The following TMEM63C variants were observed in gnomAD, a reference collection of about 807,000 sequenced individuals.
TMEM63C encodes transmembrane protein 63C, also known as osmosensitive cation channel TMEM63C.
A neutral mutation model predicts 99.2 loss-of-function variants in TMEM63C; 32 were observed. That is an observed-to-expected ratio of 0.32 (90% CI 0.24 to 0.43). The LOEUF is 0.43. Among genes scored for constraint, TMEM63C ranks in the 20% least tolerant of loss-of-function variants. The pLI is 1.00. For synonymous variants in TMEM63C, 376 were observed against 397.9 expected, an observed-to-expected ratio of 0.94 and a Z score of 0.66; for missense variants, 826 against 1,053.0, an observed-to-expected ratio of 0.78 and a Z score of 2.98.
At chr14:77,225,309 G>A (rs440869) in intron 5 of TMEM63C, 115 bp from the exon 6 acceptor site, 141,983 of 766,464 alleles carry the variant, frequency 0.19, 13,820 homozygotes, top group South Asian at 0.2. Flanking sequence ...TCCCAGGAAG[G>A]AGGCCCCGGA....
At position 77,216,119 on chromosome 14, in the gene TMEM63C, G is replaced by A. The variant is rs566184819; in HGVS notation, c.-14+2611G>A. Among the ~76,000 whole-genome samples the A allele has an allele frequency of 3.2e-3, 96 of 29,800 alleles. No individual in the cohort carries two copies. In the East Asian group the frequency reaches 0.087, roughly 27 times the overall value. 19.5% of individuals were successfully genotyped at this position (29,800 alleles called of 152,430 possible). A position where few individuals can be genotyped will look rare whatever the true frequency, so the allele number is the denominator to read the frequency against. On this transcript the variant is annotated intron_variant, in intron 2 of 23. Coordinates refer to ENST00000298351, the MANE Select transcript of TMEM63C (RefSeq NM_020431.4). ...AAAGAGAGAGGAAGGAAGGAAGGAAGGAGGGAGGGAGAGAGAGAGAGAGAG... is the reference window on the plus strand; with the variant it reads ...AAAGAGAGAGGAAGGAAGGAAGGAAAGAGGGAGGGAGAGAGAGAGAGAGAG...
chr14:77,204,995 G>A (rs1275378836), intron 1 of TMEM63C, among the ~76,000 whole-genome samples: 1 of 152,202 alleles, frequency 6.6e-6, no homozygotes, highest in East Asian at 1.9e-4. Context: ...TGGGGAGCTG[G>A]GCCTGGCCTG....
intron 6 of TMEM63C, 82 bp downstream of exon 6, chr14:77,225,543 C>CTGGGAAGA: frequency 1.4e-6 from 2 of 1,478,112 alleles, no homozygotes; most frequent in Non-Finnish European, 1.9e-6. Context: ...TTAGCAGCCC[C>CTGGGAAGA]CAGCCTGGGA....
chr14:77,244,867 C>T (rs896000903), intron 16 of TMEM63C, among the ~76,000 whole-genome samples: 4 of 152,242 alleles, frequency 2.6e-5, no homozygotes, highest in African/African-American at 9.6e-5. Context: ...GAGGGGCCCA[C>T]AAACTCACTA....
At chr14:77,186,779 G>GTGTGTGTGTGTA (rs1193156742) in intron 1 of TMEM63C, among the ~76,000 whole-genome samples, 1 of 99,592 alleles carries the variant, frequency 1.0e-5, no homozygotes, top group East Asian at 3.4e-4. Context: ...CCAAAGGGGT[G>GTGTGTGTGTGTA]TGTGTGTGTG....
At chr14:77,240,756 T>A in intron 13 of TMEM63C, 148 bp downstream of exon 13, 1 of 1,065,704 alleles carries the variant, frequency 9.4e-7, no homozygotes, top group Non-Finnish European at 1.3e-6. Context: ...CTCCAGTGGA[T>A]GAGATGGCCA....
chr14:77,186,238 C>T (rs146471032), intron 1 of TMEM63C, among the ~76,000 whole-genome samples: 2,938 of 152,206 alleles, frequency 0.019, 74 homozygotes, highest in African/African-American at 0.067. Context: ...GTCTCAAACT[C>T]CTGACCTCAG....
chr14:77,254,171 A>G (rs1398198634), intron 23 of TMEM63C, among the ~76,000 whole-genome samples: 1 of 152,220 alleles, frequency 6.6e-6, no homozygotes, highest in Non-Finnish European at 1.5e-5. Context: ...GAAGAGGAGC[A>G]GCCTGTGCGA....
intron 9 of TMEM63C, among the ~76,000 whole-genome samples, 185 bp downstream of exon 9, chr14:77,236,917 C>T (rs142189587): frequency 5.4e-4 from 82 of 151,622 alleles, no homozygotes; most frequent in African/African-American, 1.8e-3. Flanking sequence ...AATCACCTGG[C>T]CCCCACCTCT....
intron 1 of TMEM63C, among the ~76,000 whole-genome samples, chr14:77,190,112 A>T (rs1038712645): frequency 4.1e-5 from 4 of 96,394 alleles, no homozygotes; most frequent in African/African-American, 1.5e-4. Context: ...AGAAAATAGA[A>T]TTATGATTAT....
At chr14:77,235,245 G>A (rs2140120912) in intron 8 of TMEM63C, among the ~76,000 whole-genome samples, 1 of 151,470 alleles carries the variant, frequency 6.6e-6, no homozygotes, top group East Asian at 2.0e-4. Flanking sequence ...GGTGTTCCTG[G>A]AAAGACTGCA....
intron 1 of TMEM63C, among the ~76,000 whole-genome samples, chr14:77,211,086 G>C (rs1004433796): frequency 3.9e-5 from 6 of 152,210 alleles, no homozygotes; most frequent in Non-Finnish European, 8.8e-5. Flanking sequence ...CTGGGTTCCT[G>C]GCTCAGCCCA....
In TMEM63C at chr14:77,246,706, T is replaced by C. The variant is rs1038310332; in HGVS notation, c.1601+32T>C. On this transcript the variant is annotated intron_variant, in intron 18 of 23. Transcript: ENST00000298351. ...ACTCCCATGTGTCCACCAGGGCTGCTGTGTGTGCACACAGGAGTGGTTATA... is the reference window on the plus strand; with the variant it reads ...ACTCCCATGTGTCCACCAGGGCTGCCGTGTGTGCACACAGGAGTGGTTATA... 5 of 1,581,372 alleles carry C rather than the reference T, an allele frequency of 3.2e-6. No homozygotes were observed. In the African/African-American group the frequency reaches 5.4e-5, roughly 17 times the overall value.
intron 1 of TMEM63C, among the ~76,000 whole-genome samples, chr14:77,188,906 T>G (rs1888052487): frequency 1.3e-5 from 2 of 152,056 alleles, no homozygotes; most frequent in African/African-American, 4.8e-5. Flanking sequence ...GAATAATGAA[T>G]AAAACTATGA....
In TMEM63C at chr14:77,256,914, G is replaced by A; in HGVS notation, c.*188G>A. The A allele has an allele frequency of 1.6e-6, 1 of 613,336 alleles. No individual in the cohort carries two copies. The allele number at this position is 613,336 out of a possible 1,614,324, so 38.0% of individuals were successfully genotyped here. The stretch of plus-strand genomic sequence containing the variant: ...TGACCTGCTGCCCGGCTGGAACTGG[G>A]GGTGCTCGGCAGTGCTGAAGGAGCC... On this transcript the variant is annotated 3_prime_UTR_variant, in exon 24 of 24. Transcript: ENST00000298351.
chr14:77,185,753 C>T (rs1002499694), intron 1 of TMEM63C, among the ~76,000 whole-genome samples: 5 of 152,154 alleles, frequency 3.3e-5, no homozygotes, highest in African/African-American at 1.2e-4. Flanking sequence ...CATGGACACG[C>T]TGCCTGGGGG....
At chr14:77,191,402 G>C (rs56877603) in intron 1 of TMEM63C, among the ~76,000 whole-genome samples, 1 of 152,064 alleles carries the variant, frequency 6.6e-6, no homozygotes, top group Non-Finnish European at 1.5e-5. Context: ...AGAATGTTCC[G>C]TATGTGCTTG....
At chr14:77,195,421 G>T (rs991680787) in intron 1 of TMEM63C, among the ~76,000 whole-genome samples, 2 of 152,170 alleles carry the variant, frequency 1.3e-5, no homozygotes, top group Non-Finnish European at 2.9e-5. Flanking sequence ...GGACTTTTCT[G>T]CCCTTTCCCA....
intron 1 of TMEM63C, among the ~76,000 whole-genome samples, chr14:77,211,362 T>C (rs1036623627): frequency 6.6e-6 from 1 of 152,228 alleles, no homozygotes; most frequent in Non-Finnish European, 1.5e-5. Flanking sequence ...TAATTTTCTC[T>C]TGCATTTAGG....
Sources: gnomAD v4.1 joint callset for allele counts (sites outside exome capture counted in the v4.1 genomes callset) on GRCh38, gnomAD v4.1.1 for gene constraint, MANE v1.5 for transcripts, NCBI Gene and HGNC (gene_info 2026-07-23, HGNC 2026-07-21) for gene names.